The following SSBP2 variants were observed in gnomAD, a reference collection of about 807,000 sequenced individuals.
SSBP2 encodes the protein single-stranded DNA-binding protein 2.
Under a neutral mutation model 61.8 loss-of-function variants are expected in SSBP2, and 17 were observed. That is an observed-to-expected ratio of 0.28 (90% CI 0.19 to 0.41). The LOEUF (loss-of-function observed/expected upper bound fraction) is 0.41. Ranked by LOEUF, SSBP2 falls within the 10% of genes least tolerant of loss-of-function variation. The pLI is 1.00. For missense variants in SSBP2, 310 were observed against 458.7 expected, an observed-to-expected ratio of 0.68 and a Z score of 2.96; for synonymous variants, 139 against 141.3, an observed-to-expected ratio of 0.98 and a Z score of 0.12.
At chr5:81,637,085 T>C (rs1460932353) in intron 2 of SSBP2, among the ~76,000 whole-genome samples, 1 of 152,224 alleles carries the variant, frequency 6.6e-6, no homozygotes, top group Non-Finnish European at 1.5e-5. Flanking sequence ...CCAGTGATAA[T>C]AGCTGTGACA....
chr5:81,711,537 G>A (rs890388759), intron 1 of SSBP2, among the ~76,000 whole-genome samples: 6 of 151,896 alleles, frequency 4.0e-5, no homozygotes, highest in African/African-American at 7.3e-5. Flanking sequence ...TGTATAAGAG[G>A]GAAAGAAGTT....
intron 4 of SSBP2, among the ~76,000 whole-genome samples, chr5:81,548,290 A>C (rs1218427527): frequency 6.6e-6 from 1 of 152,182 alleles, no homozygotes; most frequent in Non-Finnish European, 1.5e-5. Context: ...GTGTCAATGC[A>C]GGTTCATTGA....
chr5:81,444,893 C>G (rs1763273098), intron 12 of SSBP2, among the ~76,000 whole-genome samples: 1 of 151,378 alleles, frequency 6.6e-6, no homozygotes, highest in Non-Finnish European at 1.5e-5. Context: ...GAGGCCAAGG[C>G]AGGTGAATCA....
intron 4 of SSBP2, among the ~76,000 whole-genome samples, chr5:81,609,946 C>T (rs958104726): frequency 2.6e-5 from 4 of 152,218 alleles, no homozygotes; most frequent in African/African-American, 7.2e-5. Context: ...TTCAACCACC[C>T]TTGCATACTC....
chr5:81,706,315 G>A lies in SSBP2; in HGVS notation c.62+44666C>T, dbSNP rs1412769021. On this transcript the variant is annotated intron_variant, in intron 1 of 16. Coordinates refer to ENST00000320672, the MANE Select transcript of SSBP2 (RefSeq NM_012446.5). ...ACAGTCATAAAGATAGCAGCAAGAG[G>A]CACTGGGGTCTTCTAGAGGGGAGAG... Among the ~76,000 whole-genome samples the A allele has an allele frequency of 3.9e-5, 6 of 152,074 alleles. No individual in the cohort carries two copies. In the East Asian group the frequency reaches 1.2e-3, roughly 29 times the overall value.
chr5:81,597,129 T>C (rs1320889207), intron 4 of SSBP2, among the ~76,000 whole-genome samples: 3 of 152,166 alleles, frequency 2.0e-5, no homozygotes, highest in Admixed American at 6.5e-5. Flanking sequence ...AGGGCTAATA[T>C]GCAGAATCTA....
intron 1 of SSBP2, among the ~76,000 whole-genome samples, chr5:81,741,883 C>T (rs1757048811): frequency 6.6e-6 from 1 of 152,200 alleles, no homozygotes; most frequent in Non-Finnish European, 1.5e-5. Flanking sequence ...AAACTTTTAA[C>T]TATCATCTAA....
Position 81,615,441 on chromosome 5 carries a change from G to C in SSBP2, c.282+32C>G, listed in dbSNP as rs761903170. On this transcript the variant is annotated intron_variant, in intron 4 of 16. Transcript: ENST00000320672. ...GCAGTGGTTAAACAGAAAACTGACAGTGTAACTTTGTAAAATTATATGTTA... is the reference window on the plus strand; with the variant it reads ...GCAGTGGTTAAACAGAAAACTGACACTGTAACTTTGTAAAATTATATGTTA... 27 of 1,490,768 alleles carry C rather than the reference G, an allele frequency of 1.8e-5. 1 individual carries two copies. The highest frequency in any genetic ancestry group is 2.2e-5 in the Non-Finnish European group (24 of 1,069,356). The allele number at this position is 1,490,768 out of a possible 1,614,324, so 92.3% of individuals were successfully genotyped here.
chr5:81,430,724 T>G (rs1156576963), intron 15 of SSBP2, among the ~76,000 whole-genome samples: 1 of 26,928 alleles, frequency 3.7e-5, no homozygotes, highest in Non-Finnish European at 6.5e-5. Flanking sequence ...TACTCTTCTG[T>G]GTGTGTGTGT....
chr5:81,710,787 A>G (rs1754724200), intron 1 of SSBP2: 1 of 418,530 alleles, frequency 2.4e-6, no homozygotes, highest in Non-Finnish European at 4.8e-6. Flanking sequence ...AAGTGAGATA[A>G]TATGTTTTAA....
At chr5:81,589,846 T>C (rs535399896) in intron 4 of SSBP2, among the ~76,000 whole-genome samples, 2 of 152,126 alleles carry the variant, frequency 1.3e-5, no homozygotes, top group East Asian at 1.9e-4. Context: ...CACCATCATA[T>C]GGGTGAGAGA....
chr5:81,431,241 A>G (rs532717074), intron 15 of SSBP2, among the ~76,000 whole-genome samples: 6 of 152,300 alleles, frequency 3.9e-5, no homozygotes, highest in Admixed American at 1.3e-4. Context: ...CTTCAGCACA[A>G]AAGAGTACAA....
At chr5:81,454,526 C>G (rs905721147) in intron 10 of SSBP2, among the ~76,000 whole-genome samples, 1 of 151,964 alleles carries the variant, frequency 6.6e-6, no homozygotes, top group Non-Finnish European at 1.5e-5. Flanking sequence ...ACTAAGAATA[C>G]AAAAGTTAGC....
chr5:81,723,639 C>G (rs1009548610), intron 1 of SSBP2, among the ~76,000 whole-genome samples: 1 of 151,910 alleles, frequency 6.6e-6, no homozygotes. Context: ...AACAAAACAT[C>G]AAGAATATAT....
chr5:81,441,638 C>T (rs1763044132), intron 13 of SSBP2, among the ~76,000 whole-genome samples: 1 of 152,098 alleles, frequency 6.6e-6, no homozygotes, highest in South Asian at 2.1e-4. Flanking sequence ...TGTACTTCAC[C>T]ACCTCTGTGT....
chr5:81,491,246 A>G (rs1285602288), intron 5 of SSBP2, among the ~76,000 whole-genome samples: 1 of 152,236 alleles, frequency 6.6e-6, no homozygotes, highest in Non-Finnish European at 1.5e-5. Flanking sequence ...TTTTTGAAAC[A>G]TGGAGACATA....
intron 4 of SSBP2, among the ~76,000 whole-genome samples, chr5:81,593,217 C>T (rs561515747): frequency 1.6e-4 from 24 of 152,192 alleles, no homozygotes; most frequent in Admixed American, 5.2e-4. Flanking sequence ...TAGCCGATGC[C>T]ATCAACTGGA....
intron 1 of SSBP2, among the ~76,000 whole-genome samples, chr5:81,660,624 A>C (rs1750602038): frequency 1.3e-5 from 2 of 151,446 alleles, no homozygotes; most frequent in South Asian, 4.1e-4. Context: ...CTAGAACCAG[A>C]AATACCATGT....
chr5:81,525,569 T>C (rs1252468650), intron 4 of SSBP2, among the ~76,000 whole-genome samples: 1 of 152,076 alleles, frequency 6.6e-6, no homozygotes, highest in Non-Finnish European at 1.5e-5. Flanking sequence ...CTGCTGAGTC[T>C]GCACTACCTG....
Sources: allele counts gnomAD v4.1 joint callset (sites outside exome capture counted in the v4.1 genomes callset), GRCh38; gene constraint gnomAD v4.1.1; transcripts MANE v1.5; gene names NCBI Gene and HGNC (gene_info 2026-07-23, HGNC 2026-07-21).